Variants in DYSF observed in about 807,000 individuals in gnomAD.
The protein encoded by DYSF is dystrophy-associated fer-1-like 1.
In DYSF, 212 loss-of-function variants were observed where a neutral mutation model predicts 274.9. That is an observed-to-expected ratio of 0.77 (90% CI 0.69 to 0.86). The LOEUF is 0.86. DYSF is among the 40% of genes least tolerant of loss of function. DYSF has a pLI of 0.00. For synonymous variants in DYSF, 1,091 were observed against 1,078.7 expected (o/e 1.01, Z -0.22); for missense variants, 2,666 against 2,783.2 (o/e 0.96, Z 0.95).
rs192386474 is a variant in DYSF, at chr2:71,549,467, G to A, written c.1577-1574G>A. On this transcript the variant is annotated intron_variant, in intron 17 of 55. Coordinates refer to ENST00000410020, the MANE Select transcript of DYSF (RefSeq NM_001130987.2). ...TGGCTAGAGGGGCGAGGGTGCTGGA[G>A]GCATGGGGTTTTTGATTTGCCTGAG... 11 of 1,456,616 alleles carry A rather than the reference G, an allele frequency of 7.6e-6. No individual in the cohort carries two copies. The Admixed American group carries it at 2.0e-4, about 27-fold the overall frequency. 90.2% of individuals were successfully genotyped at this position (1,456,616 alleles called of 1,614,324 possible).
intron 3 of DYSF, among the ~76,000 whole-genome samples, chr2:71,493,851 C>CATA (rs2084108607): frequency 1.4e-5 from 1 of 69,334 alleles, no homozygotes; most frequent in Non-Finnish European, 2.5e-5. Flanking sequence ...TACTCTGTCT[C>CATA]AAAAAAAAAA....
intron 52 of DYSF, among the ~76,000 whole-genome samples, chr2:71,675,646 A>G (rs1406636554): frequency 2.0e-5 from 3 of 152,198 alleles, no homozygotes; most frequent in Admixed American, 6.5e-5. Flanking sequence ...TTTGACTTCT[A>G]TTATTTTACT....
intron 22 of DYSF, among the ~76,000 whole-genome samples, chr2:71,559,935 C>T (rs1217668613): frequency 3.3e-5 from 5 of 152,234 alleles, no homozygotes; most frequent in Non-Finnish European, 5.9e-5. Context: ...CCGGACACTG[C>T]CCAGGGTACA....
chr2:71,664,647 G>A lies in DYSF; in HGVS notation c.5174+209G>A, dbSNP rs551688707. On this transcript the variant is annotated intron_variant, in intron 46 of 55. Transcript: ENST00000410020. ...GAGATGTTATTGCTTGTAAGTGGTG[G>A]AATTAGGATTTGAACCAAGAACCTG... Among the ~76,000 whole-genome samples, 342 of 152,276 alleles carry A rather than the reference G, an allele frequency of 2.2e-3. 1 individual carries two copies. Among genetic ancestry groups the A allele is most frequent in the Middle Eastern group, 6.8e-3 (2 of 294 alleles).
chr2:71,605,415 C>T lies in DYSF; in HGVS notation c.3957+2610C>T, dbSNP rs774714962. 2.8e-4 allele frequency among the ~76,000 whole-genome samples: 43 copies of T among 152,226 alleles called. 1 individual carries two copies. Among genetic ancestry groups the T allele is most frequent in the Non-Finnish European group, 1.2e-4 (8 of 68,046 alleles). The stretch of plus-strand genomic sequence containing the variant: ...ACTCTCGAGGGCACACACATGCACG[C>T]ACACACAGCAGCTGAGGTGATCGTG... On this transcript the variant is annotated intron_variant, in intron 36 of 55. Coordinates refer to ENST00000410020, the MANE Select transcript of DYSF (RefSeq NM_001130987.2).
intron 17 of DYSF, among the ~76,000 whole-genome samples, chr2:71,539,770 G>A (rs1164532541): frequency 6.6e-6 from 1 of 152,134 alleles, no homozygotes; most frequent in African/African-American, 2.4e-5. Flanking sequence ...GAAGATGTGT[G>A]TATTTAATAC....
At chr2:71,653,613 G>A (rs1339012539) in intron 42 of DYSF, among the ~76,000 whole-genome samples, 32 of 137,816 alleles carry the variant, frequency 2.3e-4, no homozygotes, top group Admixed American at 1.0e-3. Context: ...TGAACAATGA[G>A]ATCACATGGA....
chr2:71,677,505 TC>T (rs2095240981), intron 52 of DYSF, among the ~76,000 whole-genome samples: 1 of 152,130 alleles, frequency 6.6e-6, no homozygotes, highest in Non-Finnish European at 1.5e-5. Context: ...TTCATATGGT[TC>T]AACCTAATAG....
At chr2:71,512,929 G>T (rs1403440967) in intron 5 of DYSF, among the ~76,000 whole-genome samples, 2 of 152,282 alleles carry the variant, frequency 1.3e-5, no homozygotes, top group East Asian at 3.9e-4. Flanking sequence ...GGCTGGAGTG[G>T]GCTCAGGGGA....
At chr2:71,561,688 G>C (rs565056599) in intron 22 of DYSF, 64 bp from the exon 23 acceptor site, 1 of 1,597,974 alleles carries the variant, frequency 6.3e-7, no homozygotes, top group African/African-American at 1.3e-5. Context: ...TGGCACATGT[G>C]CATGCCTGGA....
rs1173760187 is a variant in DYSF, at chr2:71,470,778, T to TTCCG, written c.91+3848_91+3849insGTCC. Among the ~76,000 whole-genome samples the TTCCG allele has an allele frequency of 7.0e-3, 982 of 140,174 alleles. 4 individuals carry two copies. The highest frequency in any genetic ancestry group is 0.011 in the Non-Finnish European group (739 of 65,268). 92.0% of individuals were successfully genotyped at this position (140,174 alleles called of 152,430 possible). A position where few individuals can be genotyped will look rare whatever the true frequency, so the allele number is the denominator to read the frequency against. On this transcript the variant is annotated intron_variant, in intron 1 of 55. Transcript: ENST00000410020. ...CTTCCTTCCTTCCTTCCTTCCTTCC[T>TTCCG]TCCTTCATTCCTTCCTTCTTTTTTT...
rs886044643 is a variant in DYSF, at chr2:71,681,092, C to T, written c.6155C>T (p.Pro2052Leu). The T allele has an allele frequency of 6.2e-7, 1 of 1,614,156 alleles. No individual in the cohort carries two copies. Among genetic ancestry groups the T allele is most frequent in the East Asian group, 2.2e-5 (1 of 44,880 alleles). ...GQGRDEPNMN[P>L]KLEDPRRPDT... is the part of the protein sequence containing the mutation. ...GGCCGGGATGAGCCCAACATGAACC[C>T]TAAGCTTGAGGACCCAAGGTCAGTG... The change falls in exon 54 of 56, where the codon CCT becomes CTT. Residue 2052 changes from proline to leucine, a missense_variant. By Grantham distance (98) the Pro-to-Leu change is moderately conservative. Around this residue, in one of 3 missense-constraint regions of DYSF, gnomAD observed 1,460 missense variants for 1,502.1 expected, o/e 0.97. Transcript: ENST00000410020.
intron 29 of DYSF, among the ~76,000 whole-genome samples, chr2:71,573,177 C>A (rs183483303): frequency 1.3e-5 from 2 of 152,342 alleles, no homozygotes; most frequent in Non-Finnish European, 1.5e-5. Context: ...GGCAGAGAAC[C>A]TAGAGAGGAC....
chr2:71,634,970 A>C (rs1033780272), intron 41 of DYSF, among the ~76,000 whole-genome samples: 1 of 152,256 alleles, frequency 6.6e-6, no homozygotes, highest in South Asian at 2.1e-4. Context: ...CAGCTCTCCC[A>C]TGACACTCTG....
intron 3 of DYSF, among the ~76,000 whole-genome samples, chr2:71,486,608 T>A (rs4309600): frequency 6.6e-6 from 1 of 151,952 alleles, no homozygotes; most frequent in Non-Finnish European, 1.5e-5. Context: ...GGGAATCCTT[T>A]CATGCCTCAG....
chr2:71,617,908 AGAGGTGTGTG>A (rs2152886576), intron 40 of DYSF, among the ~76,000 whole-genome samples: 1 of 31,176 alleles, frequency 3.2e-5, no homozygotes, highest in Non-Finnish European at 6.7e-5. Flanking sequence ...TGTTTGTGGT[AGAGGTGTGTG>A]TGTGTGGTAG....
chr2:71,612,078 G>C (rs4852266), intron 38 of DYSF, among the ~76,000 whole-genome samples: 15,765 of 152,274 alleles, frequency 0.1, 1,746 homozygotes, highest in African/African-American at 0.28. Context: ...CCTAGACCTA[G>C]TGGCCAGAGT....
intron 23 of DYSF, among the ~76,000 whole-genome samples, chr2:71,563,168 C>G (rs747044092): frequency 6.6e-6 from 1 of 152,176 alleles, no homozygotes; most frequent in East Asian, 1.9e-4. Flanking sequence ...TTTGAGAACC[C>G]CTGGTATAGT....
At chr2:71,620,493 T>C in intron 40 of DYSF, 54 bp from the exon 41 acceptor site, 1 of 1,541,762 alleles carries the variant, frequency 6.5e-7, no homozygotes. Context: ...CTGTCCAGCC[T>C]TCCCTAAAGT....
Sources: gnomAD v4.1 joint callset for allele counts (sites outside exome capture counted in the v4.1 genomes callset) on GRCh38, gnomAD v4.1.1 for gene constraint, gnomAD v4.1.1 regional missense constraint, MANE v1.5 for transcripts, NCBI Gene and HGNC (gene_info 2026-07-23, HGNC 2026-07-21) for gene names.